HTR2C: variants seen among roughly 807,000 people sequenced by gnomAD.
HTR2C encodes 5-hydroxytryptamine receptor 2C, also known as 5-hydroxytryptamine (serotonin) receptor 2C, G protein-coupled.
A neutral mutation model predicts 21.0 loss-of-function variants in HTR2C; 5 were observed. The observed-to-expected ratio is 0.24, with a 90% CI of 0.12 to 0.50. The LOEUF is 0.50. HTR2C is among the 20% of genes least tolerant of loss of function. The pLI, the probability that HTR2C is intolerant of heterozygous loss-of-function variation, is 0.98. For missense variants in HTR2C, 271 were observed against 371.2 expected, an observed-to-expected ratio of 0.73 and a Z score of 2.22; for synonymous variants, 150 against 145.3, an observed-to-expected ratio of 1.03 and a Z score of -0.23.
intron 5 of HTR2C, among the ~76,000 whole-genome samples, chrX:114,901,413 C>A (rs1410542775): frequency 9.0e-6 from 1 of 111,562 alleles, no homozygotes. Context: ...ATAATAAACA[C>A]TTAATGAATG....
intron 5 of HTR2C, among the ~76,000 whole-genome samples, chrX:114,903,079 A>G (rs1418572171): frequency 8.9e-6 from 1 of 112,046 alleles, no homozygotes; most frequent in African/African-American, 3.2e-5. Context: ...GCTTTCTAAC[A>G]GTCTCAGACA....
At chrX:114,843,539 A>G (rs942597056) in intron 4 of HTR2C, among the ~76,000 whole-genome samples, 3 of 111,566 alleles carry the variant, frequency 2.7e-5, no homozygotes, top group Non-Finnish European at 5.7e-5. Flanking sequence ...GGGACATGAG[A>G]GATTAAAAGG....
At chrX:114,746,289 T>A (rs2147362131) in intron 4 of HTR2C, among the ~76,000 whole-genome samples, 1 of 111,635 alleles carries the variant, frequency 9.0e-6, no homozygotes, top group Admixed American at 9.5e-5. Flanking sequence ...ATTACCCTGA[T>A]AATAAAACCG....
intron 4 of HTR2C, among the ~76,000 whole-genome samples, chrX:114,832,568 G>A (rs190035425): frequency 0.022 from 709 of 32,860 alleles, 188 homozygotes; most frequent in African/African-American, 0.043. Flanking sequence ...AGACTTTGCT[G>A]AAGTTGCTTA....
intron 2 of HTR2C, among the ~76,000 whole-genome samples, chrX:114,617,233 G>A (rs1928986255): frequency 9.0e-6 from 1 of 111,603 alleles, no homozygotes; most frequent in African/African-American, 3.3e-5. Flanking sequence ...GAGCCCAGGA[G>A]TTCATGACCA....
chrX:114,883,288 C>T (rs781964674), intron 5 of HTR2C, among the ~76,000 whole-genome samples: 4 of 110,754 alleles, frequency 3.6e-5, no homozygotes, highest in Non-Finnish European at 7.6e-5. Flanking sequence ...ATCCATCCAT[C>T]TATCTATCTG....
chrX:114,874,757 C>T (rs1283020602), intron 5 of HTR2C, among the ~76,000 whole-genome samples: 5 of 111,320 alleles, frequency 4.5e-5, no homozygotes, highest in Non-Finnish European at 9.4e-5. Context: ...GATTCGCCCA[C>T]CTCGGCCTCC....
chrX:114,744,754 C>A (rs1175329403), intron 4 of HTR2C, among the ~76,000 whole-genome samples: 1 of 111,489 alleles, frequency 9.0e-6, no homozygotes, highest in Non-Finnish European at 1.9e-5. Context: ...ACTCAGCCCC[C>A]CAAAGCTCAT....
intron 5 of HTR2C, among the ~76,000 whole-genome samples, chrX:114,898,605 T>C (rs2071314044): frequency 8.9e-6 from 1 of 112,246 alleles, no homozygotes; most frequent in African/African-American, 3.2e-5. Flanking sequence ...TTCAGTTTTC[T>C]GCATATGGCT....
intron 4 of HTR2C, among the ~76,000 whole-genome samples, chrX:114,798,481 G>A (rs1249815173): frequency 9.0e-6 from 1 of 111,662 alleles, no homozygotes; most frequent in Non-Finnish European, 1.9e-5. Flanking sequence ...TAGGATGTAT[G>A]TATTTTAGCA....
chrX:114,589,822 G>A, intron 1 of HTR2C: 2 of 319,457 alleles, frequency 6.3e-6, no homozygotes, highest in South Asian at 6.8e-5. Flanking sequence ...TTGTGCTAAG[G>A]CTTGAGTGCA....
At chrX:114,639,646 A>G (rs1450222708) in intron 2 of HTR2C, 1 of 113,254 alleles carries the variant, frequency 8.8e-6, no homozygotes, top group Non-Finnish European at 1.9e-5. Context: ...TGAAATTTAA[A>G]GATTTTGAAA....
chrX:114,591,543 T>A (rs895684104), intron 1 of HTR2C, among the ~76,000 whole-genome samples: 1 of 111,662 alleles, frequency 9.0e-6, no homozygotes, highest in Non-Finnish European at 1.9e-5. Flanking sequence ...ATTACCCACC[T>A]CTCACTGGGT....
chrX:114,618,578 G>A (rs1214612507), intron 2 of HTR2C, among the ~76,000 whole-genome samples: 1 of 111,529 alleles, frequency 9.0e-6, no homozygotes, highest in African/African-American at 3.3e-5. Flanking sequence ...CAAGAATATT[G>A]ATTTTTATTT....
intron 1 of HTR2C, among the ~76,000 whole-genome samples, chrX:114,586,492 G>C (rs1320672477): frequency 8.9e-6 from 1 of 111,795 alleles, no homozygotes; most frequent in Non-Finnish European, 1.9e-5. Flanking sequence ...CAAGCCCAAC[G>C]CAAGTCCTGA....
intron 2 of HTR2C, among the ~76,000 whole-genome samples, chrX:114,704,076 CA>C (rs1240728426): frequency 9.0e-6 from 1 of 111,477 alleles, no homozygotes; most frequent in African/African-American, 3.3e-5. Flanking sequence ...AATAGCTTAT[CA>C]AGCAAAAAGA....
chrX:114,852,086 G>T (rs1414774671), intron 5 of HTR2C, among the ~76,000 whole-genome samples: 2 of 110,962 alleles, frequency 1.8e-5, no homozygotes, highest in Non-Finnish European at 3.8e-5. Context: ...TAAATGAAAT[G>T]CAATGTTTAA....
At chrX:114,717,440 C>G (rs1277836610) in intron 2 of HTR2C, 3 of 112,081 alleles carry the variant, frequency 2.7e-5, no homozygotes, top group Admixed American at 9.5e-5. Context: ...TATGCTGCAT[C>G]ATTATAATGT....
intron 2 of HTR2C, among the ~76,000 whole-genome samples, chrX:114,673,483 C>T (rs1215656756): frequency 9.0e-6 from 1 of 111,004 alleles, no homozygotes; most frequent in Non-Finnish European, 1.9e-5. Flanking sequence ...ATCTTCATCT[C>T]CAAGGGAGGG....
Sources: gnomAD v4.1 joint callset for allele counts (sites outside exome capture counted in the v4.1 genomes callset) on GRCh38, gnomAD v4.1.1 for gene constraint, MANE v1.5 for transcripts, NCBI Gene and HGNC (gene_info 2026-07-23, HGNC 2026-07-21) for gene names.